NALCN: variants seen among roughly 807,000 people sequenced by gnomAD.
The protein encoded by NALCN is sodium leak channel NALCN.
A neutral mutation model predicts 225.3 loss-of-function variants in NALCN; 111 were observed. The ratio of observed to expected loss-of-function variants is 0.49; its 90% CI spans 0.42 to 0.58. The LOEUF (loss-of-function observed/expected upper bound fraction) is 0.58, where lower values mean the gene tolerates loss of function less well. Among genes scored for constraint, NALCN ranks in the 20% least tolerant of loss-of-function variants. NALCN has a pLI of 0.00. For synonymous variants in NALCN, 764 were observed against 769.0 expected (o/e 0.99, Z 0.11); for missense variants, 1,378 against 2,202.4 (o/e 0.63, Z 7.49).
At chr13:101,116,388 T>G (rs2035711595) in intron 18 of NALCN, 1 of 318,950 alleles carries the variant, frequency 3.1e-6, no homozygotes, top group Non-Finnish European at 6.2e-6. Context: ...GTCTCTATTT[T>G]TCTTGACATT....
intron 10 of NALCN, among the ~76,000 whole-genome samples, chr13:101,273,376 A>T (rs529620429): frequency 6.6e-6 from 1 of 152,288 alleles, no homozygotes; most frequent in Admixed American, 6.5e-5. Flanking sequence ...GTGCTAAAAG[A>T]GTCAATTATA....
intron 6 of NALCN, among the ~76,000 whole-genome samples, chr13:101,348,404 T>C (rs2045808365): frequency 6.6e-6 from 1 of 152,206 alleles, no homozygotes; most frequent in South Asian, 2.1e-4. Context: ...TGTTACCTAC[T>C]GTTATTGACA....
chr13:101,090,117 C>T, intron 28 of NALCN, 151 bp from the exon 29 acceptor site: 1 of 1,144,668 alleles, frequency 8.7e-7, no homozygotes, highest in Non-Finnish European at 1.2e-6. Context: ...TGCGTGCACA[C>T]ACACATACAT....
intron 37 of NALCN, among the ~76,000 whole-genome samples, chr13:101,070,072 T>TTTTTTG (rs1566780365): frequency 2.1e-5 from 3 of 140,106 alleles, no homozygotes; most frequent in Non-Finnish European, 1.6e-5. Context: ...TGTTTTTTTT[T>TTTTTTG]TTTTTTTTTT....
intron 13 of NALCN, among the ~76,000 whole-genome samples, chr13:101,224,861 G>A (rs976249395): frequency 1.3e-5 from 2 of 152,128 alleles, no homozygotes; most frequent in Non-Finnish European, 2.9e-5. Context: ...CAGCCTCGGA[G>A]GGAAATTTCC....
intron 4 of NALCN, among the ~76,000 whole-genome samples, chr13:101,377,708 T>C (rs926118521): frequency 6.6e-6 from 1 of 152,166 alleles, no homozygotes; most frequent in African/African-American, 2.4e-5. Context: ...AAAGAATAGA[T>C]GATTGAACTC....
At chr13:101,287,570 G>C (rs1028333410) in intron 9 of NALCN, among the ~76,000 whole-genome samples, 5 of 152,242 alleles carry the variant, frequency 3.3e-5, no homozygotes, top group African/African-American at 1.2e-4. Context: ...AAATAAGACA[G>C]TTTGTAAAGC....
At chr13:101,271,418 G>C (rs925615218) in intron 10 of NALCN, among the ~76,000 whole-genome samples, 3 of 151,950 alleles carry the variant, frequency 2.0e-5, no homozygotes, top group Admixed American at 2.0e-4. Flanking sequence ...AATTACAATA[G>C]GCCTTTTTCA....
At chr13:101,382,377 T>G (rs776246100) in intron 3 of NALCN, among the ~76,000 whole-genome samples, 6 of 152,120 alleles carry the variant, frequency 3.9e-5, no homozygotes, top group Non-Finnish European at 7.4e-5. Context: ...CTGATATGTT[T>G]TTGGACCAAT....
At chr13:101,117,767 C>T (rs1343541093) in intron 18 of NALCN, among the ~76,000 whole-genome samples, 1 of 151,738 alleles carries the variant, frequency 6.6e-6, no homozygotes, top group East Asian at 1.9e-4. Context: ...CATTCTCCTA[C>T]TGAAGGACAT....
At chr13:101,117,691 A>G (rs974033674) in intron 18 of NALCN, among the ~76,000 whole-genome samples, 44 of 152,112 alleles carry the variant, frequency 2.9e-4, no homozygotes, top group Admixed American at 2.9e-3. Flanking sequence ...TTCCATGATG[A>G]TATCTAATTT....
chr13:101,149,137 C>T (rs2037505460), intron 15 of NALCN, among the ~76,000 whole-genome samples: 2 of 151,982 alleles, frequency 1.3e-5, no homozygotes, highest in African/African-American at 4.8e-5. Context: ...GCTAAAAATA[C>T]AAAAAATTAG....
At chr13:101,186,852 GAAA>G (rs2039470513) in intron 14 of NALCN, among the ~76,000 whole-genome samples, 1 of 152,088 alleles carries the variant, frequency 6.6e-6, no homozygotes, top group Non-Finnish European at 1.5e-5. Context: ...ACTTAAAGGT[GAAA>G]AGCAAAAATT....
intron 11 of NALCN, 75 bp downstream of exon 11, chr13:101,258,368 T>C: frequency 1.9e-5 from 30 of 1,579,298 alleles, no homozygotes; most frequent in Non-Finnish European, 2.6e-5. Context: ...CACTTCACTT[T>C]TGCATCTCTA....
At position 101,143,235 on chromosome 13, in the gene NALCN, G is replaced by A. The variant is rs747967180; in HGVS notation, c.1977-14C>T. ...ATAAAACTCTCCCTTTGCAAATGAA[G>A]TATATGTGCATCAGGCATTATTAGT... is the stretch of plus-strand genomic sequence containing the variant. On this transcript the variant is annotated splice_polypyrimidine_tract_variant and intron_variant, in intron 16 of 43. Transcript: ENST00000251127. 2 of 1,598,362 alleles carry A rather than the reference G, an allele frequency of 1.3e-6. No individual in the cohort carries two copies. The highest frequency in any genetic ancestry group is 1.1e-5 in the South Asian group (1 of 88,676).
At chr13:101,349,510 A>T (rs1435635408) in intron 6 of NALCN, among the ~76,000 whole-genome samples, 1 of 152,194 alleles carries the variant, frequency 6.6e-6, no homozygotes, top group Admixed American at 6.6e-5. Flanking sequence ...GACCCAACCT[A>T]ACTCCATGAA....
chr13:101,361,079 G>A (rs2046239181), intron 6 of NALCN, among the ~76,000 whole-genome samples: 1 of 152,070 alleles, frequency 6.6e-6, no homozygotes. Context: ...TCACAAATGT[G>A]GCTTGGAATC....
At position 101,068,765 on chromosome 13, in the gene NALCN, A is replaced by G; in HGVS notation, c.4260T>C (p.Tyr1420=). 6.2e-7 allele frequency: 1 copy of G among 1,613,042 alleles called. No homozygotes were observed. The highest frequency in any genetic ancestry group is 8.5e-7 in the Non-Finnish European group (1 of 1,179,602). The change falls in exon 38 of 44, where the codon TAT becomes TAC. Residue 1420 remains tyrosine, a synonymous_variant. Coordinates refer to ENST00000251127, the MANE Select transcript of NALCN (RefSeq NM_052867.4). Reference sequence around the variant, plus strand: ...AACAGAAATACATAAGTGCCCCAGCATAATTTCCACAGTCTGTTGCCCAGT... The same window carrying G: ...AACAGAAATACATAAGTGCCCCAGCGTAATTTCCACAGTCTGTTGCCCAGT... ...FTYWATDCGN[Y]AGALMYFCSF...
Position 101,376,770 on chromosome 13 carries a change from A to G in NALCN, c.574T>C (p.Tyr192His). ...SIFLLFFLLL[Y>H]GILGVQMFGT... The stretch of plus-strand genomic sequence containing the variant: ...AACATCTGAACTCCTAAAATTCCAT[A>G]AAGAAGTAGAAAGAAAAGTAGAAAA... Residue 192 changes from tyrosine (Y) to histidine (H), a missense_variant, in exon 6 of 44, where the codon TAT becomes CAT. This residue lies in a region of NALCN where 14 missense variants were observed against 58.2 expected (regional missense o/e 0.24). Transcript: ENST00000251127. 1 of 1,613,646 alleles carries G rather than the reference A, an allele frequency of 6.2e-7. No homozygotes were observed.
Sources: allele counts gnomAD v4.1 joint callset (sites outside exome capture counted in the v4.1 genomes callset), GRCh38; gene constraint gnomAD v4.1.1; regional missense constraint gnomAD v4.1.1; transcripts MANE v1.5; gene names NCBI Gene and HGNC (gene_info 2026-07-23, HGNC 2026-07-21).